RAD54L2: variants seen among roughly 807,000 people sequenced by gnomAD.
The protein encoded by RAD54L2 is helicase ARIP4.
In RAD54L2, 27 loss-of-function variants were observed where a neutral mutation model predicts 138.4. The observed-to-expected ratio is 0.20, with a 90% CI of 0.14 to 0.27. RAD54L2 has a LOEUF of 0.27. Among genes scored for constraint, RAD54L2 ranks in the 10% least tolerant of loss-of-function variants. RAD54L2 has a pLI of 1.00. For synonymous variants in RAD54L2, 644 were observed against 723.2 expected (o/e 0.89, Z 1.76); for missense variants, 1,396 against 1,890.2 (o/e 0.74, Z 4.85).
chr3:51,622,360 C>T (rs9864443), intron 3 of RAD54L2, among the ~76,000 whole-genome samples: 1 of 151,388 alleles, frequency 6.6e-6, no homozygotes, highest in Non-Finnish European at 1.5e-5. Flanking sequence ...CTTTGGGAGG[C>T]TTTTTGTAAT....
chr3:51,568,180 C>T (rs548044265), intron 2 of RAD54L2, among the ~76,000 whole-genome samples: 2 of 152,182 alleles, frequency 1.3e-5, no homozygotes, highest in South Asian at 2.1e-4. Flanking sequence ...TAATGTTCTG[C>T]AGCTGTCACC....
chr3:51,653,701 T>C (rs1217931851), intron 19 of RAD54L2, among the ~76,000 whole-genome samples: 2 of 152,098 alleles, frequency 1.3e-5, no homozygotes, highest in African/African-American at 4.8e-5. Context: ...AAACACTGCA[T>C]GTTCTCACTC....
At chr3:51,583,310 G>A (rs2106693753) in intron 2 of RAD54L2, among the ~76,000 whole-genome samples, 2 of 152,236 alleles carry the variant, frequency 1.3e-5, no homozygotes, top group South Asian at 4.1e-4. Flanking sequence ...AGAAAAACGA[G>A]CCTCACACAG....
At chr3:51,564,937 G>C (rs1699180074) in intron 2 of RAD54L2, among the ~76,000 whole-genome samples, 2 of 152,086 alleles carry the variant, frequency 1.3e-5, no homozygotes, top group Non-Finnish European at 2.9e-5. Flanking sequence ...TCATATGTTT[G>C]ATTCTTTTCT....
Position 51,657,580 on chromosome 3 carries a change from A to G in RAD54L2, c.3227A>G (p.Asp1076Gly). 6.4e-7 allele frequency: 1 copy of G among 1,554,714 alleles called. No individual in the cohort carries two copies. The highest frequency in any genetic ancestry group is 8.8e-7 in the Non-Finnish European group (1 of 1,141,046). Residue 1076 changes from aspartate (D) to glycine (G), a missense_variant and splice_region_variant, in exon 21 of 23, where the codon GAT becomes GGT. By Grantham distance (94) the Asp-to-Gly change is moderately conservative. Transcript: ENST00000684192. The part of the protein sequence containing the change: ...VLVQKVVTTT[D>G]IVIPGLNSST... The stretch of plus-strand genomic sequence containing the variant: ...AATTTAAGATCTGTGTTTTTCCTAG[A>G]TATTGTTATTCCTGGACTCAACAGC...
intron 15 of RAD54L2, 21 bp from the exon 16 acceptor site, chr3:51,643,854 A>T: frequency 1.3e-6 from 2 of 1,560,984 alleles, no homozygotes; most frequent in Admixed American, 3.6e-5. Context: ...TCCACTGCTT[A>T]TGGTTTTCCT....
chr3:51,566,496 T>TTTTA (rs1559619212), intron 2 of RAD54L2, among the ~76,000 whole-genome samples: 1 of 143,114 alleles, frequency 7.0e-6, no homozygotes, highest in East Asian at 2.0e-4. Context: ...TTTTTTTTTT[T>TTTTA]AATGACAGAG....
In RAD54L2 at chr3:51,664,660, A is replaced by AC. The variant is rs1214702417; in HGVS notation, c.*1242dup. On this transcript the variant is annotated 3_prime_UTR_variant, in exon 23 of 23. Transcript: ENST00000684192. ...ACAATCCTGGATGGATGGTAAATTG[A>AC]CCAGGGGAAGAGTTAGGTTTGACCA... 6.6e-6 allele frequency: 1 copy of AC among 152,182 alleles called. No homozygotes were observed. Among genetic ancestry groups the AC allele is most frequent in the Admixed American group, 6.5e-5 (1 of 15,276 alleles). The allele number at this position is 152,182 out of a possible 1,614,324, so 9.4% of individuals were successfully genotyped here. A position where few individuals can be genotyped will look rare whatever the true frequency, so the allele number is the denominator to read the frequency against.
At chr3:51,552,564 T>C (rs1472777507) in intron 2 of RAD54L2, among the ~76,000 whole-genome samples, 1 of 125,098 alleles carries the variant, frequency 8.0e-6, no homozygotes, top group Non-Finnish European at 1.6e-5. Context: ...GCCTGGCCTT[T>C]TTTTTTTTTT....
chr3:51,633,697 A>C lies in RAD54L2; in HGVS notation c.946A>C (p.Ile316Leu). 6.2e-7 allele frequency: 1 copy of C among 1,613,922 alleles called. No individual in the cohort carries two copies. The highest frequency in any genetic ancestry group is 1.3e-5 in the African/African-American group (1 of 75,034). The change falls in exon 8 of 23, where the codon ATC (isoleucine) becomes CTC (leucine). Residue 316 changes from isoleucine (I) to leucine (L), a missense_variant. By Grantham distance (5) the Ile-to-Leu change is conservative. Coordinates refer to ENST00000684192, the MANE Select transcript of RAD54L2 (RefSeq NM_015106.4). Reference protein sequence around the residue: ...SMGLGKTLQVISFIDVLFRHT... With the variant: ...SMGLGKTLQVLSFIDVLFRHT... Reference sequence around the variant, plus strand: ...GGGTCTGGGGAAAACTTTGCAAGTGATCTCTTTCATCGACGTCCTCTTCCG... The same window carrying C: ...GGGTCTGGGGAAAACTTTGCAAGTGCTCTCTTTCATCGACGTCCTCTTCCG...
At chr3:51,542,582 G>T (rs536784335) in intron 2 of RAD54L2, among the ~76,000 whole-genome samples, 3 of 152,108 alleles carry the variant, frequency 2.0e-5, no homozygotes, top group South Asian at 4.2e-4. Flanking sequence ...GGGATTACAG[G>T]CCTCCCGAGT....
In RAD54L2 at chr3:51,637,058, C is replaced by T; in HGVS notation, c.1340-103C>T. On this transcript the variant is annotated intron_variant, in intron 10 of 22. Transcript: ENST00000684192. This position sits in a 1 kb window ranked among gnomAD's most constrained non-coding sequence, Gnocchi z 5.9. ...GGGCTGACTCTTGCTTTCCTGCTTC[C>T]TTCATTTCTTCTGTCTCCTCCAGGG... is the stretch of plus-strand genomic sequence containing the variant. 9.5e-7 allele frequency: 1 copy of T among 1,053,308 alleles called. No individual in the cohort carries two copies. Among genetic ancestry groups the T allele is most frequent in the Middle Eastern group, 2.0e-4 (1 of 4,952 alleles). The allele number at this position is 1,053,308 out of a possible 1,614,324, so 65.2% of individuals were successfully genotyped here. A position where few individuals can be genotyped will look rare whatever the true frequency, so the allele number is the denominator to read the frequency against.
intron 3 of RAD54L2, among the ~76,000 whole-genome samples, chr3:51,610,216 C>T (rs1293179741): frequency 6.6e-6 from 1 of 152,122 alleles, no homozygotes; most frequent in East Asian, 1.9e-4. Context: ...AAGACTTTAC[C>T]TGTCTGAGCC....
chr3:51,575,459 T>C (rs1166181431), intron 2 of RAD54L2, among the ~76,000 whole-genome samples: 2 of 152,192 alleles, frequency 1.3e-5, no homozygotes, highest in Non-Finnish European at 1.5e-5. Flanking sequence ...ATTTTTACGA[T>C]ATGATTCTTC....
At chr3:51,590,965 C>T (rs906832235) in intron 3 of RAD54L2, among the ~76,000 whole-genome samples, 4 of 152,176 alleles carry the variant, frequency 2.6e-5, no homozygotes, top group African/African-American at 7.2e-5. Context: ...TGAAATTATA[C>T]ATACAATTGT....
At chr3:51,601,863 TG>T (rs1006246064) in intron 3 of RAD54L2, among the ~76,000 whole-genome samples, 3 of 151,936 alleles carry the variant, frequency 2.0e-5, no homozygotes, top group African/African-American at 7.3e-5. Context: ...GTTTTTTTGT[TG>T]TTTTTTTTTT....
chr3:51,655,014 G>A (rs561480257), intron 19 of RAD54L2, among the ~76,000 whole-genome samples: 18 of 152,284 alleles, frequency 1.2e-4, no homozygotes, highest in African/African-American at 4.1e-4. Context: ...AGGCCAGATA[G>A]CACAGGTCTG....
chr3:51,617,884 A>G (rs1700483205), intron 3 of RAD54L2, among the ~76,000 whole-genome samples: 1 of 152,206 alleles, frequency 6.6e-6, no homozygotes, highest in African/African-American at 2.4e-5. Flanking sequence ...TTCTGTCTCT[A>G]AAATATAAAT....
intron 2 of RAD54L2, among the ~76,000 whole-genome samples, chr3:51,588,403 T>A (rs1348708161): frequency 1.4e-5 from 2 of 148,100 alleles, no homozygotes; most frequent in East Asian, 2.0e-4. Flanking sequence ...GGTGTGGTGG[T>A]GCACACCTGT....
Sources: allele counts gnomAD v4.1 joint callset (sites outside exome capture counted in the v4.1 genomes callset), GRCh38; gene constraint gnomAD v4.1.1; non-coding constraint Gnocchi (gnomAD v3.1); transcripts MANE v1.5; gene names NCBI Gene and HGNC (gene_info 2026-07-23, HGNC 2026-07-21).